Variants in DTNA observed in about 807,000 individuals in gnomAD.
DTNA encodes dystrobrevin alpha, also known as dystrophin-related protein 3.
DTNA carries 43 observed loss-of-function variants against 100.7 expected under a neutral mutation model. The observed-to-expected ratio is 0.43, with a 90% CI of 0.33 to 0.55. The LOEUF (loss-of-function observed/expected upper bound fraction) is 0.55, where lower values mean the gene tolerates loss of function less well. Among genes scored for constraint, DTNA ranks in the 20% least tolerant of loss-of-function variants. DTNA has a pLI of 0.04. For synonymous variants in DTNA, 349 were observed against 347.9 expected, an observed-to-expected ratio of 1.00 and a Z score of -0.04; for missense variants, 798 against 953.9, an observed-to-expected ratio of 0.84 and a Z score of 2.15.
In DTNA at chr18:34,626,603, AT is replaced by A. The variant is rs2057352461; in HGVS notation, c.-1-129370del. ...ACAGGTTGCCAGCAACCAGCAAACC[AT>A]TTAATGTAGGTAGCAATCTGCATGA... is the stretch of plus-strand genomic sequence containing the variant. On this transcript the variant is annotated intron_variant, in intron 1 of 19. Transcript: ENST00000283365. Among the ~76,000 whole-genome samples, 3 of 152,342 alleles carry A rather than the reference AT, an allele frequency of 2.0e-5. No homozygotes were observed. In the South Asian group the frequency reaches 6.2e-4, roughly 32 times the overall value.
At chr18:34,559,987 G>A (rs2046490790) in intron 1 of DTNA, among the ~76,000 whole-genome samples, 1 of 152,202 alleles carries the variant, frequency 6.6e-6, no homozygotes, top group Admixed American at 6.5e-5. Flanking sequence ...TAGAGATTCT[G>A]TAATTTCACC....
At chr18:34,702,793 CA>C (rs995891463) in intron 1 of DTNA, among the ~76,000 whole-genome samples, 1 of 151,246 alleles carries the variant, frequency 6.6e-6, no homozygotes, top group African/African-American at 2.4e-5. Flanking sequence ...AAATTTATTC[CA>C]AAAAAAAGAG....
At chr18:34,607,147 A>G (rs1445642716) in intron 1 of DTNA, among the ~76,000 whole-genome samples, 1 of 152,210 alleles carries the variant, frequency 6.6e-6, no homozygotes, top group Non-Finnish European at 1.5e-5. Flanking sequence ...CCACATTTCT[A>G]GTAAGATGCA....
In DTNA at chr18:34,817,824, G is replaced by C. The variant is rs1602592519; in HGVS notation, c.710-340G>C. On this transcript the variant is annotated intron_variant, in intron 7 of 22. Transcript: ENST00000444659. The stretch of plus-strand genomic sequence containing the variant: ...TCCAGTGAGCTGTGCTGGTCTCCTG[G>C]AGACAGAGAGCAGTTTGGGGTAAAG... 43 of 591,108 alleles carry C rather than the reference G, an allele frequency of 7.3e-5. 2 individuals carry two copies. In the South Asian group the frequency reaches 8.4e-4, roughly 12 times the overall value. 36.6% of individuals were successfully genotyped at this position (591,108 alleles called of 1,614,324 possible). A position where few individuals can be genotyped will look rare whatever the true frequency, so the allele number is the denominator to read the frequency against.
chr18:34,542,830 C>A (rs1470500275), intron 1 of DTNA, among the ~76,000 whole-genome samples: 1 of 152,100 alleles, frequency 6.6e-6, no homozygotes, highest in Non-Finnish European at 1.5e-5. Flanking sequence ...TCTGCTTACA[C>A]CAGCATTTTA....
chr18:34,716,262 A>G (rs1450121223), intron 1 of DTNA, among the ~76,000 whole-genome samples: 2 of 152,172 alleles, frequency 1.3e-5, no homozygotes, highest in African/African-American at 2.4e-5. Flanking sequence ...TCTAGAAGCT[A>G]TAAAGCTGTA....
chr18:34,552,353 T>C (rs2045518744), intron 1 of DTNA, among the ~76,000 whole-genome samples: 1 of 152,030 alleles, frequency 6.6e-6, no homozygotes, highest in Non-Finnish European at 1.5e-5. Context: ...GTTGCTAGTT[T>C]TGGTTTGCTT....
intron 17 of DTNA, chr18:34,867,518 C>G: frequency 8.6e-7 from 1 of 1,169,356 alleles, no homozygotes; most frequent in African/African-American, 1.6e-5. Flanking sequence ...AAAATGCCTT[C>G]TTCATGATAC....
intron 1 of DTNA, among the ~76,000 whole-genome samples, chr18:34,648,930 CTT>C (rs1384315563): frequency 6.6e-6 from 1 of 152,142 alleles, no homozygotes; most frequent in Non-Finnish European, 1.5e-5. Context: ...TTTGGACAAT[CTT>C]TAATATTTTT....
At chr18:34,517,436 C>T (rs1038271997) in intron 1 of DTNA, among the ~76,000 whole-genome samples, 2 of 141,460 alleles carry the variant, frequency 1.4e-5, no homozygotes, top group African/African-American at 2.6e-5. Context: ...AGACCTTATT[C>T]AGATTTAATA....
At chr18:34,509,492 C>G (rs1469083637) in intron 1 of DTNA, among the ~76,000 whole-genome samples, 1 of 152,000 alleles carries the variant, frequency 6.6e-6, no homozygotes. Context: ...TCTGCCTCCT[C>G]CTTTTAACCC....
intron 1 of DTNA, among the ~76,000 whole-genome samples, chr18:34,585,342 G>A (rs2049022215): frequency 6.6e-6 from 1 of 151,928 alleles, no homozygotes; most frequent in African/African-American, 2.4e-5. Flanking sequence ...AATATAAGAT[G>A]GGCAGATGAA....
intron 1 of DTNA, among the ~76,000 whole-genome samples, chr18:34,668,847 T>C (rs1221925772): frequency 6.6e-6 from 1 of 152,196 alleles, no homozygotes; most frequent in Non-Finnish European, 1.5e-5. Flanking sequence ...TACTTCCAAC[T>C]ATGTGGTCAA....
rs1358130191 is a variant in DTNA at position 34,606,998 on chromosome 18, A to T, written c.-2+113484A>T. 3.9e-5 allele frequency among the ~76,000 whole-genome samples: 6 copies of T among 152,314 alleles called. No homozygotes were observed. In the East Asian group the frequency reaches 9.6e-4, roughly 24 times the overall value. ...ACAAAGTAAACAAAGCAAAAATAAA[A>T]TGAATACATTCCCACGAAAGGGACT... On this transcript the variant is annotated intron_variant, in intron 1 of 19. Transcript: ENST00000283365.
At chr18:34,585,082 A>G (rs974589127) in intron 1 of DTNA, among the ~76,000 whole-genome samples, 2 of 152,218 alleles carry the variant, frequency 1.3e-5, no homozygotes, top group Non-Finnish European at 2.9e-5. Context: ...GTTTGTCCCA[A>G]ACATCTTTCT....
chr18:34,730,822 G>A (rs752575976), intron 1 of DTNA, among the ~76,000 whole-genome samples: 13 of 152,088 alleles, frequency 8.5e-5, no homozygotes, highest in Non-Finnish European at 1.9e-4. Flanking sequence ...TCCCCTCACT[G>A]GTGACCACCA....
At chr18:34,495,890 TGAGCTTATCATA>T (rs2039141159) in intron 1 of DTNA, among the ~76,000 whole-genome samples, 1 of 151,424 alleles carries the variant, frequency 6.6e-6, no homozygotes, top group Admixed American at 6.6e-5. Flanking sequence ...ACTCTTCATT[TGAGCTTATCATA>T]GAGCTTTCAC....
rs137951267 is a variant in DTNA at position 34,717,571 on chromosome 18, AT to A, written c.-2+7134del. Among the ~76,000 whole-genome samples the A allele has an allele frequency of 7.4e-3, 1,129 of 151,784 alleles. 14 individuals carry two copies. The highest frequency in any genetic ancestry group is 0.026 in the African/African-American group (1,052 of 41,162). ...TTAATGCTCATTCATTTTCTCATTTATTTTTTTTAAAAAACCTTATATTGAA... is the reference window on the plus strand; with the variant it reads ...TTAATGCTCATTCATTTTCTCATTTATTTTTTTAAAAAACCTTATATTGAA... On this transcript the variant is annotated intron_variant, in intron 1 of 22. Coordinates refer to ENST00000444659, the MANE Select transcript of DTNA (RefSeq NM_001386795.1).
chr18:34,719,155 C>T (rs1183795801), intron 1 of DTNA, among the ~76,000 whole-genome samples: 5 of 151,784 alleles, frequency 3.3e-5, no homozygotes, highest in African/African-American at 1.2e-4. Flanking sequence ...CATGGCGAAA[C>T]CCCGTCTCTA....
Sources: gnomAD v4.1 joint callset for allele counts (sites outside exome capture counted in the v4.1 genomes callset) on GRCh38, gnomAD v4.1.1 for gene constraint, MANE v1.5 for transcripts, NCBI Gene and HGNC (gene_info 2026-07-23, HGNC 2026-07-21) for gene names.